Variants in TYK2 observed in about 807,000 individuals in gnomAD.
TYK2 encodes the protein tyrosine kinase 2, also known as non-receptor tyrosine-protein kinase TYK2.
In TYK2, 65 loss-of-function variants were observed where a neutral mutation model predicts 130.9. The ratio of observed to expected loss-of-function variants is 0.50; its 90% CI spans 0.41 to 0.61. The LOEUF (loss-of-function observed/expected upper bound fraction) is 0.61. Among genes scored for constraint, TYK2 ranks in the 20% least tolerant of loss-of-function variants. The probability of loss-of-function intolerance (pLI) is 0.00; values close to 1 mark genes in which losing one functional copy is unlikely to be tolerated. For missense variants in TYK2, 1,378 were observed against 1,610.7 expected, an observed-to-expected ratio of 0.86 and a Z score of 2.47; for synonymous variants, 647 against 658.9, an observed-to-expected ratio of 0.98 and a Z score of 0.28.
chr19:10,352,332 A>C, intron 23 of TYK2, 102 bp downstream of exon 23: 1 of 825,944 alleles, frequency 1.2e-6, no homozygotes, highest in Non-Finnish European at 2.1e-6. Context: ...TCGGCCTCCC[A>C]AAGTGCTGGG....
At chr19:10,371,509 G>A (rs567601916) in intron 3 of TYK2, among the ~76,000 whole-genome samples, 30 of 151,922 alleles carry the variant, frequency 2.0e-4, no homozygotes, top group African/African-American at 6.0e-4. Flanking sequence ...GCGTGGTGGC[G>A]CATGCCTGTA....
chr19:10,373,700 C>T (rs553631328), intron 3 of TYK2, among the ~76,000 whole-genome samples: 1 of 152,272 alleles, frequency 6.6e-6, no homozygotes, highest in African/African-American at 2.4e-5. Flanking sequence ...GACTGCTTCA[C>T]TCTCTGGCTT....
At position 10,357,779 on chromosome 19, in the gene TYK2, G is replaced by A. The variant is rs866161251; in HGVS notation, c.2451C>T (p.Ser817=). The part of the protein sequence containing the change: ...ICFDGEAPLQ[S]RSPSEKEHFY... Reference sequence around the variant, plus strand: ...CTAGACATACCTCGGAGGGACTGCGGCTCTGCAGAGGGGCCTCTCCGTCAA... The same window carrying A: ...CTAGACATACCTCGGAGGGACTGCGACTCTGCAGAGGGGCCTCTCCGTCAA... The change falls in exon 17 of 25, where the codon AGC becomes AGT. Residue 817 remains serine (S), a synonymous_variant. Transcript: ENST00000525621. 6.2e-7 allele frequency: 1 copy of A among 1,611,864 alleles called. No individual in the cohort carries two copies.
intron 3 of TYK2, among the ~76,000 whole-genome samples, chr19:10,374,656 G>C (rs1373241220): frequency 6.6e-6 from 1 of 150,674 alleles, no homozygotes; most frequent in African/African-American, 2.4e-5. Flanking sequence ...GAGAGGCCGA[G>C]GCAGGGGGAA....
intron 2 of TYK2, 50 bp from the exon 3 acceptor site, chr19:10,378,476 T>C: frequency 1.3e-6 from 2 of 1,488,578 alleles, no homozygotes; most frequent in South Asian, 2.3e-5. Context: ...CAGAGACCCC[T>C]GTTAGCTCTT....
intron 3 of TYK2, among the ~76,000 whole-genome samples, chr19:10,377,158 GCCT>G (rs1050026149): frequency 1.3e-5 from 2 of 152,136 alleles, no homozygotes; most frequent in Non-Finnish European, 2.9e-5. Flanking sequence ...TCCTGCCTGG[GCCT>G]CCTCAAGTAC....
At chr19:10,360,083 G>A (rs1296181903) in intron 14 of TYK2, among the ~76,000 whole-genome samples, 2 of 152,090 alleles carry the variant, frequency 1.3e-5, no homozygotes, top group African/African-American at 4.8e-5. Context: ...TCGGGAGGCT[G>A]AGGCAGGAGA....
intron 18 of TYK2, 47 bp downstream of exon 18, chr19:10,356,521 A>G (rs1015410367): frequency 1.4e-5 from 23 of 1,608,618 alleles, no homozygotes; most frequent in African/African-American, 5.3e-5. Flanking sequence ...CAGGGATCCC[A>G]GCCCCGTCCC....
intron 17 of TYK2, 149 bp downstream of exon 17, chr19:10,357,615 G>T (rs1480813424): frequency 9.3e-7 from 1 of 1,075,526 alleles, no homozygotes; most frequent in Non-Finnish European, 1.4e-6. Flanking sequence ...ACTACATTGA[G>T]CCCCAGCGAG....
At chr19:10,377,551 G>T (rs1224037922) in intron 3 of TYK2, among the ~76,000 whole-genome samples, 2 of 123,780 alleles carry the variant, frequency 1.6e-5, no homozygotes, top group Non-Finnish European at 1.7e-5. Flanking sequence ...TGGATGGGTG[G>T]GTGGGTGGAT....
Position 10,350,635 on chromosome 19 carries a change from T to C in TYK2, c.*199A>G, listed in dbSNP as rs12720335. 887 of 620,116 alleles carry C rather than the reference T, an allele frequency of 1.4e-3. 5 individuals carry two copies. The African/African-American group carries it at 0.015, about 11-fold the overall frequency. 38.4% of individuals were successfully genotyped at this position (620,116 alleles called of 1,614,324 possible). On this transcript the variant is annotated 3_prime_UTR_variant, in exon 25 of 25. Coordinates refer to ENST00000525621, the MANE Select transcript of TYK2 (RefSeq NM_003331.5). ...GATTAGTGCCCCTACAAATGTTGGG[T>C]CCCTCAAGATCATGGTTAGGCTCAC...
intron 3 of TYK2, among the ~76,000 whole-genome samples, chr19:10,376,402 G>A (rs567848248): frequency 1.2e-3 from 147 of 125,904 alleles, no homozygotes; most frequent in Middle Eastern, 6.8e-3. Flanking sequence ...CCATGTCCCA[G>A]GTTCAAGCTA....
rs548281602 is a variant in TYK2 at position 10,380,516 on chromosome 19, G to A, written c.-322C>T. 17 of 152,554 alleles carry A rather than the reference G, an allele frequency of 1.1e-4. No homozygotes were observed. Among genetic ancestry groups the A allele is most frequent in the African/African-American group, 1.9e-4 (8 of 41,586 alleles). 9.5% of individuals were successfully genotyped at this position (152,554 alleles called of 1,614,324 possible). ...CGCCCGCGTCCAGACTCACCCTTCC[G>A]GGGGAACACAAGCTCGAACCCGGAC... On this transcript the variant is annotated 5_prime_UTR_variant, in exon 1 of 25. Coordinates refer to ENST00000525621, the MANE Select transcript of TYK2 (RefSeq NM_003331.5).
chr19:10,367,868 C>T (rs34093308), intron 5 of TYK2, among the ~76,000 whole-genome samples, 187 bp downstream of exon 5: 4 of 149,662 alleles, frequency 2.7e-5, no homozygotes, highest in East Asian at 3.9e-4. Flanking sequence ...TGCAGTGAGC[C>T]GAGATCACAT....
At position 10,356,716 on chromosome 19, in the gene TYK2, C is replaced by T; in HGVS notation, c.2469G>A (p.Lys823=). The change falls in exon 18 of 25, where the codon AAG becomes AAA. Residue 823 remains lysine, a splice_region_variant and synonymous_variant. Transcript: ENST00000525621. ...APLQSRSPSE[K]EHFYQRQHRL... is the part of the protein sequence containing the mutation. ...GGTGCTGCCTCTGGTAGAAATGCTC[C>T]TTCTGTTGGGAAAGGGACCCAGAGG... The T allele has an allele frequency of 6.2e-7, 1 of 1,605,518 alleles. No individual in the cohort carries two copies. The highest frequency in any genetic ancestry group is 8.5e-7 in the Non-Finnish European group (1 of 1,176,358).
At chr19:10,365,077 T>G in intron 7 of TYK2, 29 bp from the exon 8 acceptor site, 1 of 1,582,742 alleles carries the variant, frequency 6.3e-7, no homozygotes, top group Non-Finnish European at 8.6e-7. Flanking sequence ...GGGCAGAGGA[T>G]GGAGAGGGCA....
intron 9 of TYK2, among the ~76,000 whole-genome samples, chr19:10,363,848 C>G (rs546136521): frequency 2.6e-5 from 4 of 152,208 alleles, no homozygotes; most frequent in African/African-American, 7.2e-5. Context: ...ACAGCAGGCA[C>G]GGCCACAGGC....
At position 10,352,535 on chromosome 19, in the gene TYK2, G is replaced by A. The variant is rs762156902; in HGVS notation, c.3217C>T (p.Leu1073=). The A allele has an allele frequency of 1.3e-6, 2 of 1,556,100 alleles. No individual in the cohort carries two copies. Residue 1073 remains leucine (L), a synonymous_variant, in exon 23 of 25, where the codon CTG becomes TTG. Transcript: ENST00000525621. ...SPVFWYAPEC[L]KEYKFYYASD... ...GCATAGTAGAACTTATACTCCTTCA[G>A]GCACTCTGGGGCATACCTAGGGGGA...
In TYK2 at chr19:10,353,064, T is replaced by C; in HGVS notation, c.3062A>G (p.His1021Arg). ...CACGTTGCGCGCGGCTAGGTCTCGG[T>C]GGATGTAGTGCTGCGCGTGCAGATA... is the stretch of plus-strand genomic sequence containing the variant. ...MAYLHAQHYI[H>R]RDLAARNVLL... Residue 1021 changes from histidine to arginine, a missense_variant, in exon 22 of 25, where the codon CAC (histidine) becomes CGC (arginine). By Grantham distance (29) the His-to-Arg change is conservative. Coordinates refer to ENST00000525621, the MANE Select transcript of TYK2 (RefSeq NM_003331.5). This position sits in a 1 kb window ranked among gnomAD's most constrained non-coding sequence, Gnocchi z 6.9. 3 of 1,579,686 alleles carry C rather than the reference T, an allele frequency of 1.9e-6. No individual in the cohort carries two copies. Among genetic ancestry groups the C allele is most frequent in the Non-Finnish European group, 2.6e-6 (3 of 1,161,726 alleles).
Sources: gnomAD v4.1 joint callset for allele counts (sites outside exome capture counted in the v4.1 genomes callset) on GRCh38, gnomAD v4.1.1 for gene constraint, Gnocchi (gnomAD v3.1) non-coding constraint, MANE v1.5 for transcripts, NCBI Gene and HGNC (gene_info 2026-07-23, HGNC 2026-07-21) for gene names.